The following RNF126 variants were observed in gnomAD, a reference collection of about 807,000 sequenced individuals.
The protein encoded by RNF126 is ring finger protein 126, also known as E3 ubiquitin-protein ligase RNF126.
In RNF126, 20 loss-of-function variants were observed where a neutral mutation model predicts 41.9. The ratio of observed to expected loss-of-function variants is 0.48; its 90% CI spans 0.34 to 0.69. The LOEUF (loss-of-function observed/expected upper bound fraction) is 0.69, where lower values mean the gene tolerates loss of function less well. Among genes scored for constraint, RNF126 ranks in the 30% least tolerant of loss-of-function variants. The pLI is 0.01. For missense variants in RNF126, 433 were observed against 460.6 expected (o/e 0.94, Z 0.55); for synonymous variants, 239 against 202.9 (o/e 1.18, Z -1.51).
chr19:648,894 C>A lies in RNF126; in HGVS notation c.658G>T (p.Glu220Ter). 7.0e-7 allele frequency: 1 copy of A among 1,437,474 alleles called. No homozygotes were observed. Among genetic ancestry groups the A allele is most frequent in the Non-Finnish European group, 9.1e-7 (1 of 1,094,012 alleles). The allele number at this position is 1,437,474 out of a possible 1,614,324, so 89.0% of individuals were successfully genotyped here. ...TGAGCTCTCATACCTACGTGCTCCT[C>A]AGTGACGGGGACGGTGGGGAGGGCC... ...IQALPTVPVT[E>*]EHVGSGLECP... Residue 220 changes from glutamate (E) to a stop codon, truncating the protein, a stop_gained, in exon 7 of 9, where the codon GAG (glutamate) becomes TAG (stop). Transcript: ENST00000292363. LOFTEE classifies it high-confidence loss of function.
At chr19:651,463 CA>C (rs556303661) in intron 4 of RNF126, 147 bp downstream of exon 4, 1 of 729,030 alleles carries the variant, frequency 1.4e-6, no homozygotes, top group South Asian at 3.0e-5. Flanking sequence ...TGGGGAGTCA[CA>C]GGGGGCTGGA....
chr19:650,715 C>T (rs2030237675), intron 4 of RNF126: 1 of 154,188 alleles, frequency 6.5e-6, no homozygotes, highest in Non-Finnish European at 1.4e-5. Context: ...GCCTCAGCCT[C>T]CTGAGTAGCT....
chr19:650,918 G>A (rs2144758761), intron 4 of RNF126, among the ~76,000 whole-genome samples: 1 of 152,196 alleles, frequency 6.6e-6, no homozygotes, highest in South Asian at 2.1e-4. Flanking sequence ...AATTAGAGAT[G>A]GGGCCTCCCT....
At chr19:654,972 A>G (rs2030498064) in intron 1 of RNF126, among the ~76,000 whole-genome samples, 1 of 151,052 alleles carries the variant, frequency 6.6e-6, no homozygotes, top group South Asian at 2.1e-4. Context: ...CGTATCGGGA[A>G]AAAAAAAAGT....
chr19:651,916 C>A, intron 3 of RNF126, 61 bp from the exon 4 acceptor site: 1 of 1,471,682 alleles, frequency 6.8e-7, no homozygotes, highest in Non-Finnish European at 9.2e-7. Flanking sequence ...GCTGGGGGCG[C>A]TAGGGCACAA....
In RNF126 at chr19:651,649, C is replaced by T; in HGVS notation, c.405G>A (p.Arg135=). 6.6e-7 allele frequency: 1 copy of T among 1,512,676 alleles called. No individual in the cohort carries two copies. The highest frequency in any genetic ancestry group is 1.9e-4 in the Middle Eastern group (1 of 5,134). 93.7% of individuals were successfully genotyped at this position (1,512,676 alleles called of 1,614,324 possible). The change falls in exon 4 of 9, where the codon CGG becomes CGA. Residue 135 remains arginine, a synonymous_variant. Coordinates refer to ENST00000292363, the MANE Select transcript of RNF126 (RefSeq NM_194460.3). ...GGACGCCTTCGTGCCGGCCGGTGGC[C>T]CGCCGCGTGGTGAGGCGGGCGCGGG... ...RQPRARLTTR[R]ATGRHEGVPT... is the part of the protein sequence containing the mutation.
Position 662,627 on chromosome 19 carries a change from G to A in RNF126, c.75+420C>T, listed in dbSNP as rs989971134. Among the ~76,000 whole-genome samples the A allele has an allele frequency of 8.5e-5, 13 of 152,264 alleles. 1 individual carries two copies. The highest frequency in any genetic ancestry group is 8.5e-4 in the Admixed American group (13 of 15,302). ...CGGGGTCCGAGCCCCGCCAGGCCCA[G>A]CCCCTGCCCCGCGCCGCGCCACCGG... On this transcript the variant is annotated intron_variant, in intron 1 of 8. Transcript: ENST00000292363.
intron 1 of RNF126, among the ~76,000 whole-genome samples, chr19:655,578 T>A (rs939856442): frequency 2.0e-5 from 3 of 151,962 alleles, no homozygotes; most frequent in Non-Finnish European, 2.9e-5. Context: ...CCCAGCGAGA[T>A]GCCACTTCCC....
chr19:652,585 C>A, intron 2 of RNF126: 1 of 607,046 alleles, frequency 1.6e-6, no homozygotes, highest in Non-Finnish European at 2.9e-6. Context: ...AGATTAGCCG[C>A]CGAGGCTGAG....
chr19:661,365 C>G (rs1393926785), intron 1 of RNF126: 1 of 152,396 alleles, frequency 6.6e-6, no homozygotes, highest in Non-Finnish European at 1.5e-5. Context: ...CCCAGGCTGG[C>G]GGGCTGTCAG....
At chr19:657,547 T>C (rs1047678806) in intron 1 of RNF126, among the ~76,000 whole-genome samples, 5 of 152,188 alleles carry the variant, frequency 3.3e-5, no homozygotes, top group South Asian at 2.1e-4. Context: ...CGTCGGGGCC[T>C]GTGCACGTCG....
At chr19:652,068 C>T (rs567035727) in intron 3 of RNF126, among the ~76,000 whole-genome samples, 165 bp downstream of exon 3, 1 of 152,152 alleles carries the variant, frequency 6.6e-6, no homozygotes, top group Non-Finnish European at 1.5e-5. Flanking sequence ...AGAAACCAAC[C>T]AAGCAGCGTG....
chr19:648,369 C>T lies in RNF126; in HGVS notation c.786+3G>A. ...TGGGGGGGCGGGTGGGCGGGGCACT[C>T]ACCTGCTCCAGCCAGGGCACGATGC... On this transcript the variant is annotated splice_donor_region_variant and intron_variant, in intron 8 of 8. Transcript: ENST00000292363. The T allele has an allele frequency of 6.5e-7, 1 of 1,535,952 alleles. No individual in the cohort carries two copies. The highest frequency in any genetic ancestry group is 1.2e-5 in the South Asian group (1 of 83,850).
chr19:651,961 T>C (rs2030322406), intron 3 of RNF126, 106 bp from the exon 4 acceptor site: 1 of 1,080,294 alleles, frequency 9.3e-7, no homozygotes, highest in Non-Finnish European at 1.3e-6. Context: ...CCCTGCTGGG[T>C]GCCGGGTGGG....
chr19:660,792 C>A (rs1474584098), intron 1 of RNF126, among the ~76,000 whole-genome samples: 4 of 152,194 alleles, frequency 2.6e-5, no homozygotes. Context: ...CAACAACACA[C>A]CCCACTAATT....
At position 648,767 on chromosome 19, in the gene RNF126, G is replaced by A. The variant is rs1474870224; in HGVS notation, c.670+115C>T. On this transcript the variant is annotated intron_variant, in intron 7 of 8. Coordinates refer to ENST00000292363, the MANE Select transcript of RNF126 (RefSeq NM_194460.3). ...GAGGATCACCTGAGGTCAGGAGTTC[G>A]AGACCTGCCTGACCAACATGGTGAA... 9.6e-6 allele frequency: 7 copies of A among 729,642 alleles called. 1 individual carries two copies. Among genetic ancestry groups the A allele is most frequent in the South Asian group, 1.9e-5 (1 of 51,520 alleles). The allele number at this position is 729,642 out of a possible 1,614,324, so 45.2% of individuals were successfully genotyped here.
In RNF126 at chr19:652,222, G is replaced by A. The variant is rs537864812; in HGVS notation, c.198+11C>T. 36 of 1,520,650 alleles carry A rather than the reference G, an allele frequency of 2.4e-5. No homozygotes were observed. In the Admixed American group the frequency reaches 4.4e-4, roughly 18 times the overall value. 94.2% of individuals were successfully genotyped at this position (1,520,650 alleles called of 1,614,324 possible). On this transcript the variant is annotated intron_variant, in intron 3 of 8. Transcript: ENST00000292363. ...GACACGATCGGGAAGCACGAGGGGC[G>A]GGCGACTCACCTCCAACGGTGGCCG...
rs760553704 is a variant in RNF126, at chr19:647,590, G to C, written c.*538C>G. ...TACACATATTTTTTCCTTTAAAAAAGTCTGTTGGAGCAGTTTTGTTCTTGA... is the reference window on the plus strand; with the variant it reads ...TACACATATTTTTTCCTTTAAAAAACTCTGTTGGAGCAGTTTTGTTCTTGA... On this transcript the variant is annotated 3_prime_UTR_variant, in exon 9 of 9. Coordinates refer to ENST00000292363, the MANE Select transcript of RNF126 (RefSeq NM_194460.3). The C allele has an allele frequency of 1.5e-4, 24 of 162,962 alleles. No individual in the cohort carries two copies. The highest frequency in any genetic ancestry group is 8.8e-4 in the Admixed American group (15 of 16,978). The allele number at this position is 162,962 out of a possible 1,614,324, so 10.1% of individuals were successfully genotyped here.
At chr19:658,644 C>A (rs1335130721) in intron 1 of RNF126, among the ~76,000 whole-genome samples, 1 of 152,198 alleles carries the variant, frequency 6.6e-6, no homozygotes, top group African/African-American at 2.4e-5. Flanking sequence ...CACATTCACA[C>A]CGTCTGTCCC....
Sources: gnomAD v4.1 joint callset for allele counts (sites outside exome capture counted in the v4.1 genomes callset) on GRCh38, gnomAD v4.1.1 for gene constraint, MANE v1.5 for transcripts, NCBI Gene and HGNC (gene_info 2026-07-23, HGNC 2026-07-21) for gene names.